The following QTGAL variants were observed in gnomAD, a reference collection of about 807,000 sequenced individuals.
The protein encoded by QTGAL is queuosine-tRNA galactosyltransferase, also known as BGnT-like protein 1.
chr17:83,050,351 C>A, the QTGAL span, among the ~76,000 whole-genome samples: 2 of 151,056 alleles, frequency 1.3e-5, no homozygotes, highest in Non-Finnish European at 2.9e-5. Context: ...GCCTGGGCAA[C>A]GAGTGTGAAA....
At chr17:82,964,388 T>C in the QTGAL span, among the ~76,000 whole-genome samples, 1 of 151,612 alleles carries the variant, frequency 6.6e-6, no homozygotes, top group African/African-American at 2.4e-5. Flanking sequence ...AATTATATAA[T>C]GAAAGAAGTG....
At chr17:83,034,036 G>T in the QTGAL span, among the ~76,000 whole-genome samples, 1 of 151,936 alleles carries the variant, frequency 6.6e-6, no homozygotes, top group Non-Finnish European at 1.5e-5. Flanking sequence ...CGCCTCCTGG[G>T]TTCAAGCGAT....
chr17:82,977,558 G>A, the QTGAL span, among the ~76,000 whole-genome samples: 1 of 152,170 alleles, frequency 6.6e-6, no homozygotes, highest in Admixed American at 6.5e-5. Context: ...TGGGGAGCGA[G>A]CAACGCCCCA....
At chr17:82,970,664 G>C in the QTGAL span, among the ~76,000 whole-genome samples, 15,172 of 103,334 alleles carry the variant, frequency 0.15, 4,140 homozygotes, top group Admixed American at 0.28. Context: ...CGCGACCTCC[G>C]CACCCAGCGT....
the QTGAL span, among the ~76,000 whole-genome samples, chr17:82,973,310 G>GT: frequency 0.065 from 9,924 of 152,262 alleles, 391 homozygotes; most frequent in Non-Finnish European, 0.089. Flanking sequence ...CCATCTGTGG[G>GT]TTTTTCAATT....
the QTGAL span, among the ~76,000 whole-genome samples, chr17:83,046,957 C>T: frequency 1.3e-5 from 2 of 152,198 alleles, no homozygotes; most frequent in Non-Finnish European, 2.9e-5. Context: ...CTAAATGAAG[C>T]CGGTTACAAA....
At chr17:82,977,588 G>C in the QTGAL span, among the ~76,000 whole-genome samples, 5 of 152,292 alleles carry the variant, frequency 3.3e-5, no homozygotes, top group African/African-American at 9.6e-5. Context: ...CTCTCCGGGG[G>C]GTCTGGGGTG....
chr17:82,997,507 T>G, the QTGAL span, among the ~76,000 whole-genome samples: 1 of 152,180 alleles, frequency 6.6e-6, no homozygotes, highest in East Asian at 1.9e-4. Context: ...ATAGAGCCAC[T>G]GTATGATCCA....
chr17:83,037,524 G>C, the QTGAL span, among the ~76,000 whole-genome samples: 1 of 152,228 alleles, frequency 6.6e-6, no homozygotes, highest in Non-Finnish European at 1.5e-5. This position sits in a 1 kb window ranked among gnomAD's most constrained non-coding sequence, Gnocchi z 5.2. Context: ...CCGGGGAGGC[G>C]AGCGCCTGTT....
chr17:82,961,541 C>G, the QTGAL span, among the ~76,000 whole-genome samples: 1 of 152,182 alleles, frequency 6.6e-6, no homozygotes, highest in African/African-American at 2.4e-5. Flanking sequence ...GCTGGTCCGG[C>G]CTCCGTCCCC....
the QTGAL span, among the ~76,000 whole-genome samples, chr17:82,977,370 G>A: frequency 2.0e-5 from 3 of 152,212 alleles, no homozygotes. Flanking sequence ...GAGTATTCAG[G>A]AGTGACTGAG....
chr17:82,994,007 C>A, the QTGAL span, among the ~76,000 whole-genome samples: 8,384 of 152,024 alleles, frequency 0.055, 309 homozygotes, highest in Non-Finnish European at 0.072. Flanking sequence ...ATAGCAAAAA[C>A]AGTACTAAGA....
the QTGAL span, chr17:83,005,494 A>G: frequency 1.0e-5 from 7 of 677,916 alleles, no homozygotes; most frequent in South Asian, 1.1e-4. This position sits in a 1 kb window ranked among gnomAD's most constrained non-coding sequence, Gnocchi z 5.6. Context: ...TGGATTGAGA[A>G]TATGTCACAG....
At chr17:82,998,466 C>T in the QTGAL span, among the ~76,000 whole-genome samples, 1 of 152,182 alleles carries the variant, frequency 6.6e-6, no homozygotes, top group African/African-American at 2.4e-5. Flanking sequence ...CTGCCTCAGC[C>T]TCCTGAGTAG....
chr17:83,038,803 G>C, the QTGAL span, among the ~76,000 whole-genome samples: 4 of 151,896 alleles, frequency 2.6e-5, no homozygotes, highest in East Asian at 7.8e-4. Flanking sequence ...AGCTTGCAGT[G>C]AGCCGAGATC....
chr17:83,018,038 CGTGA>C, the QTGAL span, among the ~76,000 whole-genome samples: 1 of 142,530 alleles, frequency 7.0e-6, no homozygotes, highest in Non-Finnish European at 1.5e-5. Flanking sequence ...ACACGTGCTC[CGTGA>C]ACACCGTGCG....
At chr17:83,024,511 G>A in the QTGAL span, among the ~76,000 whole-genome samples, 1 of 152,252 alleles carries the variant, frequency 6.6e-6, no homozygotes, top group African/African-American at 2.4e-5. Context: ...GGTTGCGTGT[G>A]GGGCCTCAGC....
the QTGAL span, chr17:82,944,062 G>C: frequency 6.6e-6 from 1 of 152,252 alleles, no homozygotes; most frequent in Non-Finnish European, 1.5e-5. Flanking sequence ...GAGGATGGAA[G>C]GAACAAGTGG....
At chr17:82,947,962 CTG>C in the QTGAL span, 1 of 152,136 alleles carries the variant, frequency 6.6e-6, no homozygotes, top group Non-Finnish European at 1.5e-5. Context: ...AAACAAGACT[CTG>C]TTAAAACTAG....
Sources: gnomAD v4.1 joint callset for allele counts (sites outside exome capture counted in the v4.1 genomes callset) on GRCh38, gnomAD v4.1.1 for gene constraint, Gnocchi (gnomAD v3.1) non-coding constraint, MANE v1.5 for transcripts, NCBI Gene and HGNC (gene_info 2026-07-23, HGNC 2026-07-21) for gene names.